The following BNC2 variants were observed in gnomAD, a reference collection of about 807,000 sequenced individuals.
BNC2 encodes the protein basonuclin zinc finger protein 2, also known as zinc finger protein basonuclin-2.
Under a neutral mutation model 76.3 loss-of-function variants are expected in BNC2, and 20 were observed. The observed-to-expected ratio is 0.26, with a 90% CI of 0.18 to 0.38. The LOEUF (loss-of-function observed/expected upper bound fraction) is 0.38. Among genes scored for constraint, BNC2 ranks in the 10% least tolerant of loss-of-function variants. The pLI, the probability that BNC2 is intolerant of heterozygous loss-of-function variation, is 1.00. For missense variants in BNC2, 1,382 were observed against 1,399.8 expected, an observed-to-expected ratio of 0.99 and a Z score of 0.20; for synonymous variants, 582 against 514.8, an observed-to-expected ratio of 1.13 and a Z score of -1.77.
At position 16,419,305 on chromosome 9, in the gene BNC2, C is replaced by CCGTCAA; in HGVS notation, c.2978_2983dup (p.Asp994_Gly995insValAsp). 1 of 1,613,788 alleles carries CCGTCAA rather than the reference C, an allele frequency of 6.2e-7. No individual in the cohort carries two copies. Reference sequence around the variant, plus strand: ...TGCCGACTCCCCACTGTCACTCGCCCCGTCAATGTCATCGAGAAGAATCCC... The same window carrying CCGTCAA: ...TGCCGACTCCCCACTGTCACTCGCCCCGTCAACGTCAATGTCATCGAGAAGAATCCC... On this transcript the variant is annotated inframe_insertion, in exon 7 of 7. Coordinates refer to ENST00000380672, the MANE Select transcript of BNC2 (RefSeq NM_017637.6).
At chr9:16,644,159 A>G (rs1821563027) in intron 3 of BNC2, among the ~76,000 whole-genome samples, 1 of 152,176 alleles carries the variant, frequency 6.6e-6, no homozygotes, top group African/African-American at 2.4e-5. Context: ...TTTCCTATAC[A>G]TACCAAATCA....
intron 2 of BNC2, among the ~76,000 whole-genome samples, chr9:16,737,821 G>A (rs1248611886): frequency 6.6e-6 from 1 of 152,102 alleles, no homozygotes; most frequent in Non-Finnish European, 1.5e-5. Context: ...TGGCTTTGAT[G>A]GAGAATAGTG....
intron 3 of BNC2, among the ~76,000 whole-genome samples, chr9:16,684,788 G>C (rs1822927738): frequency 6.6e-6 from 1 of 151,926 alleles, no homozygotes; most frequent in South Asian, 2.1e-4. Context: ...AGAAATGGAG[G>C]CATGCCTTTA....
At chr9:16,827,461 G>C (rs991793888) in intron 1 of BNC2, among the ~76,000 whole-genome samples, 1 of 152,138 alleles carries the variant, frequency 6.6e-6, no homozygotes, top group African/African-American at 2.4e-5. Context: ...GAAAGATGAA[G>C]ACAATTGCTT....
intron 1 of BNC2, among the ~76,000 whole-genome samples, chr9:16,841,394 C>CTT (rs538903735): frequency 4.6e-4 from 70 of 152,332 alleles, no homozygotes; most frequent in African/African-American, 1.6e-3. Context: ...GCCTATGCTA[C>CTT]TTCCACTACA....
intron 1 of BNC2, among the ~76,000 whole-genome samples, chr9:16,802,864 T>A (rs1382193223): frequency 6.6e-6 from 1 of 152,218 alleles, no homozygotes; most frequent in Non-Finnish European, 1.5e-5. Context: ...CTTGACCAAA[T>A]GGAGGGTCAC....
chr9:16,754,279 T>G (rs930512759), intron 1 of BNC2, among the ~76,000 whole-genome samples: 3 of 152,160 alleles, frequency 2.0e-5, no homozygotes, highest in Non-Finnish European at 4.4e-5. Context: ...CTACCTATTT[T>G]CCTACTTGCC....
rs76905379 is a variant in BNC2, at chr9:16,539,072, T to C, written c.669+13458A>G. ...GTGTGTGTGTTTACCACTTATAATA[T>C]ACCACTTCCACTAAATTGAAAGCTG... On this transcript the variant is annotated intron_variant, in intron 5 of 6. Transcript: ENST00000380672. Among the ~76,000 whole-genome samples the C allele has an allele frequency of 3.6e-3, 547 of 152,088 alleles. 5 individuals carry two copies. The highest frequency in any genetic ancestry group is 0.013 in the African/African-American group (519 of 41,480).
At chr9:16,787,826 G>T (rs960609773) in intron 1 of BNC2, among the ~76,000 whole-genome samples, 1 of 152,130 alleles carries the variant, frequency 6.6e-6, no homozygotes, top group African/African-American at 2.4e-5. Context: ...GCTAGGATTA[G>T]AAGCATGAGC....
At chr9:16,869,685 C>T (rs1175032181) in intron 1 of BNC2, among the ~76,000 whole-genome samples, 1 of 152,198 alleles carries the variant, frequency 6.6e-6, no homozygotes, top group Non-Finnish European at 1.5e-5. Flanking sequence ...TAACAAATCA[C>T]TTCCCCGAAA....
At chr9:16,456,530 CAAAAAAAA>C (rs35557788) in intron 5 of BNC2, among the ~76,000 whole-genome samples, 1 of 107,236 alleles carries the variant, frequency 9.3e-6, no homozygotes, top group Non-Finnish European at 2.1e-5. Context: ...GACTCCGTCT[CAAAAAAAA>C]AAAAAAAAAA....
chr9:16,551,258 G>A (rs534397418), intron 5 of BNC2, among the ~76,000 whole-genome samples: 40 of 152,132 alleles, frequency 2.6e-4, no homozygotes, highest in Non-Finnish European at 5.6e-4. Flanking sequence ...TCTATTCTGA[G>A]AGCAGACAGG....
At chr9:16,633,608 AG>A (rs1246775743) in intron 3 of BNC2, among the ~76,000 whole-genome samples, 2 of 152,206 alleles carry the variant, frequency 1.3e-5, no homozygotes, top group African/African-American at 4.8e-5. Context: ...ACCATTCAAA[AG>A]TTTTTATAAT....
At chr9:16,589,416 G>A (rs1819861354) in intron 3 of BNC2, among the ~76,000 whole-genome samples, 1 of 151,928 alleles carries the variant, frequency 6.6e-6, no homozygotes, top group African/African-American at 2.4e-5. Context: ...AAACTCCTAA[G>A]CTCAAGCGAT....
intron 3 of BNC2, among the ~76,000 whole-genome samples, chr9:16,624,762 C>A (rs997013096): frequency 6.6e-6 from 1 of 152,122 alleles, no homozygotes; most frequent in African/African-American, 2.4e-5. Flanking sequence ...AAAGTTATTT[C>A]TCTAGTTTAT....
Position 16,552,576 on chromosome 9 carries a change from C to T in BNC2, c.623G>A (p.Gly208Asp), listed in dbSNP as rs1229985665. Residue 208 changes from glycine (G) to aspartate (D), a missense_variant, in exon 5 of 7, where the codon GGC becomes GAC. This residue lies in a region of BNC2 where 557 missense variants were observed against 540.9 expected (regional missense o/e 1.03). Coordinates refer to ENST00000380672, the MANE Select transcript of BNC2 (RefSeq NM_017637.6). ...KQEEVLHILH[G>D]LGWTLRDYVR... is the part of the protein sequence containing the mutation. ...ATAGTCCCGCAGAGTCCAGCCAAGG[C>T]CGTGCAGTATGTGCAGTACCTCCTC... is the stretch of plus-strand genomic sequence containing the variant. 2 of 1,614,216 alleles carry T rather than the reference C, an allele frequency of 1.2e-6. No homozygotes were observed. The highest frequency in any genetic ancestry group is 1.7e-6 in the Non-Finnish European group (2 of 1,180,042).
chr9:16,513,908 C>T (rs1049197899), intron 5 of BNC2, among the ~76,000 whole-genome samples: 2 of 152,100 alleles, frequency 1.3e-5, no homozygotes, highest in Non-Finnish European at 2.9e-5. Flanking sequence ...GGCTGTTATT[C>T]CACCCTACGC....
At chr9:16,648,300 T>C (rs1478023953) in intron 3 of BNC2, among the ~76,000 whole-genome samples, 2 of 152,228 alleles carry the variant, frequency 1.3e-5, no homozygotes, top group African/African-American at 2.4e-5. Flanking sequence ...TAAAACTATA[T>C]GGTTCAGAGA....
At chr9:16,474,223 T>C (rs114852095) in intron 5 of BNC2, among the ~76,000 whole-genome samples, 214 of 152,294 alleles carry the variant, frequency 1.4e-3, no homozygotes, top group African/African-American at 5.1e-3. Context: ...TACATCCTAA[T>C]TGAAAAGAAT....
Sources: allele counts gnomAD v4.1 joint callset (sites outside exome capture counted in the v4.1 genomes callset), GRCh38; gene constraint gnomAD v4.1.1; regional missense constraint gnomAD v4.1.1; transcripts MANE v1.5; gene names NCBI Gene and HGNC (gene_info 2026-07-23, HGNC 2026-07-21).